The following WDR17 variants were observed in gnomAD, a reference collection of about 807,000 sequenced individuals.
WDR17 encodes the protein WD repeat domain 17.
Under a neutral mutation model 161.7 loss-of-function variants are expected in WDR17, and 143 were observed. The observed-to-expected ratio is 0.88, with a 90% CI of 0.77 to 1.02. The LOEUF is 1.02. WDR17 is among the 50% of genes least tolerant of loss of function. WDR17 has a pLI of 0.00. For synonymous variants in WDR17, 517 were observed against 515.6 expected, an observed-to-expected ratio of 1.00 and a Z score of -0.04; for missense variants, 1,469 against 1,520.9, an observed-to-expected ratio of 0.97 and a Z score of 0.57.
chr4:176,087,286 A>G (rs1486765315), intron 1 of WDR17, among the ~76,000 whole-genome samples: 1 of 152,026 alleles, frequency 6.6e-6, no homozygotes, highest in Non-Finnish European at 1.5e-5. Context: ...GAAAACGTTC[A>G]TATTCTTCCA....
intron 1 of WDR17, chr4:176,096,563 A>G (rs1736900570): frequency 6.2e-7 from 1 of 1,602,442 alleles, no homozygotes; most frequent in East Asian, 2.3e-5. Flanking sequence ...GAGCAAGATG[A>G]TTGGTATGAA....
chr4:176,173,499 T>A, intron 25 of WDR17, 130 bp downstream of exon 25: 1 of 564,200 alleles, frequency 1.8e-6, no homozygotes, highest in Non-Finnish European at 3.0e-6. Flanking sequence ...AGAAATATTA[T>A]ATTTTTGTTT....
chr4:176,089,476 G>A (rs2126622232), intron 1 of WDR17, among the ~76,000 whole-genome samples: 1 of 152,000 alleles, frequency 6.6e-6, no homozygotes, highest in African/African-American at 2.4e-5. Flanking sequence ...AAGATTTGTG[G>A]GTCTCTCCTA....
intron 26 of WDR17, among the ~76,000 whole-genome samples, chr4:176,175,631 C>A (rs1364449409): frequency 6.6e-6 from 1 of 152,136 alleles, no homozygotes; most frequent in East Asian, 1.9e-4. Context: ...AATCTCAGCC[C>A]ACTGCAACCT....
Position 176,138,044 on chromosome 4 carries a change from A to G in WDR17, c.1359+433A>G, listed in dbSNP as rs1744686884. On this transcript the variant is annotated intron_variant, in intron 9 of 28. Transcript: ENST00000508596. The stretch of plus-strand genomic sequence containing the variant: ...GATTTTCTTCCAGTTTTCAAATTCA[A>G]TTATTCCGTGCAGAGCCTTAGAACC... Among the ~76,000 whole-genome samples, 3 of 151,822 alleles carry G rather than the reference A, an allele frequency of 2.0e-5. No individual in the cohort carries two copies. In the Middle Eastern group the frequency reaches 0.01, roughly 516 times the overall value.
intron 1 of WDR17, among the ~76,000 whole-genome samples, chr4:176,068,712 G>A (rs531878628): frequency 6.6e-6 from 1 of 152,002 alleles, no homozygotes; most frequent in African/African-American, 2.4e-5. Flanking sequence ...AGATTTGGTT[G>A]GTACTTTTTG....
rs915675136 is a variant in WDR17 at position 176,116,958 on chromosome 4, G to A, written c.307+979G>A. On this transcript the variant is annotated intron_variant, in intron 3 of 28. Coordinates refer to ENST00000508596, the MANE Select transcript of WDR17 (RefSeq NM_181265.4). The stretch of plus-strand genomic sequence containing the variant: ...CAACTGTTAAAGATATTTGTCAAAT[G>A]AAGTTAATTTTCAACTAGAAGTATA... Among the ~76,000 whole-genome samples, 2 of 151,842 alleles carry A rather than the reference G, an allele frequency of 1.3e-5. 1 individual carries two copies. Among genetic ancestry groups the A allele is most frequent in the South Asian group, 4.1e-4 (2 of 4,830 alleles).
intron 1 of WDR17, among the ~76,000 whole-genome samples, chr4:176,099,400 G>C (rs1737428517): frequency 6.6e-6 from 1 of 152,098 alleles, no homozygotes; most frequent in Non-Finnish European, 1.5e-5. Flanking sequence ...AGGTCTGAGG[G>C]TTAAAAACTT....
intron 1 of WDR17, among the ~76,000 whole-genome samples, chr4:176,078,587 A>G (rs1734349982): frequency 6.6e-6 from 1 of 152,114 alleles, no homozygotes; most frequent in Non-Finnish European, 1.5e-5. Flanking sequence ...GAACCTACAA[A>G]CAAAATAGAA....
At chr4:176,142,103 C>A (rs1745370860) in intron 11 of WDR17, 34 bp downstream of exon 11, 1 of 1,555,350 alleles carries the variant, frequency 6.4e-7, no homozygotes. Flanking sequence ...TAAATAATAA[C>A]TACATTTTGG....
In WDR17 at chr4:176,120,318, AT is replaced by A. The variant is rs1304545655; in HGVS notation, c.538+222del. On this transcript the variant is annotated intron_variant, in intron 4 of 28. Transcript: ENST00000508596. ...TATATATATATATATATATATATAT[AT>A]AATACATTCAACACAGCTGTGAATA... 1.9e-3 allele frequency among the ~76,000 whole-genome samples: 259 copies of A among 138,854 alleles called. 1 individual carries two copies. The highest frequency in any genetic ancestry group is 6.4e-3 in the African/African-American group (231 of 36,148). 91.1% of individuals were successfully genotyped at this position (138,854 alleles called of 152,430 possible). A position where few individuals can be genotyped will look rare whatever the true frequency, so the allele number is the denominator to read the frequency against.
At chr4:176,092,935 T>C (rs998364331) in intron 1 of WDR17, among the ~76,000 whole-genome samples, 2 of 151,868 alleles carry the variant, frequency 1.3e-5, no homozygotes, top group African/African-American at 4.8e-5. Flanking sequence ...CCAGCTACTT[T>C]GGTGGTTGAG....
At chr4:176,178,689 C>G (rs1005527875) in intron 28 of WDR17, among the ~76,000 whole-genome samples, 1 of 152,180 alleles carries the variant, frequency 6.6e-6, no homozygotes, top group Non-Finnish European at 1.5e-5. Context: ...TAGGAGCTGT[C>G]TACTTTACAT....
intron 7 of WDR17, 137 bp from the exon 8 acceptor site, chr4:176,134,970 GT>G: frequency 1.3e-6 from 1 of 790,680 alleles, no homozygotes; most frequent in Non-Finnish European, 2.0e-6. Context: ...CCAGTTTTCT[GT>G]TTTTCTTGCC....
At chr4:176,085,969 A>G (rs139959484) in intron 1 of WDR17, among the ~76,000 whole-genome samples, 204 of 152,124 alleles carry the variant, frequency 1.3e-3, no homozygotes, top group Middle Eastern at 6.8e-3. Flanking sequence ...GCATTAATCT[A>G]GCTGCAACCC....
intron 22 of WDR17, among the ~76,000 whole-genome samples, chr4:176,165,543 A>G (rs1361858424): frequency 6.6e-6 from 1 of 152,222 alleles, no homozygotes; most frequent in Non-Finnish European, 1.5e-5. Context: ...CTTACTGATA[A>G]CATTAACAGT....
rs1302008397 is a variant in WDR17 at position 176,076,254 on chromosome 4, T to TAC, written c.-7+10189_-7+10190dup. Among the ~76,000 whole-genome samples, 192 of 59,464 alleles carry TAC rather than the reference T, an allele frequency of 3.2e-3. 1 individual carries two copies. Among genetic ancestry groups the TAC allele is most frequent in the East Asian group, 6.1e-3 (10 of 1,646 alleles). The allele number at this position is 59,464 out of a possible 152,430, so 39.0% of individuals were successfully genotyped here. ...ATATATATATATATATATATATATA[T>TAC]ACACACACACACACATATATATACA... is the stretch of plus-strand genomic sequence containing the variant. On this transcript the variant is annotated intron_variant, in intron 1 of 28. Coordinates refer to ENST00000508596, the MANE Select transcript of WDR17 (RefSeq NM_181265.4).
intron 1 of WDR17, among the ~76,000 whole-genome samples, chr4:176,067,878 G>A (rs1732723389): frequency 6.6e-6 from 1 of 152,170 alleles, no homozygotes; most frequent in Admixed American, 6.5e-5. Context: ...TACCCTGATG[G>A]ATACTAGAAG....
At position 176,139,965 on chromosome 4, in the gene WDR17, A is replaced by G. The variant is rs1744994536; in HGVS notation, c.1433A>G (p.Asp478Gly). The G allele has an allele frequency of 1.2e-6, 2 of 1,610,594 alleles. No homozygotes were observed. Among genetic ancestry groups the G allele is most frequent in the African/African-American group, 1.3e-5 (1 of 74,784 alleles). ...DSKRIATCSS[D>G]GFCIIRTIDG... is the part of the protein sequence containing the mutation. ...AAAAGAATAGCAACCTGCAGCAGTGATGGTTTCTGGTAAGTACTATGTATG... is the reference window on the plus strand; with the variant it reads ...AAAAGAATAGCAACCTGCAGCAGTGGTGGTTTCTGGTAAGTACTATGTATG... The change falls in exon 10 of 29, where the codon GAT becomes GGT. Residue 478 changes from aspartate to glycine, a missense_variant. By Grantham distance (94) the Asp-to-Gly change is moderately conservative (BLOSUM62 -1). Coordinates refer to ENST00000508596, the MANE Select transcript of WDR17 (RefSeq NM_181265.4).
Sources: gnomAD v4.1 joint callset for allele counts (sites outside exome capture counted in the v4.1 genomes callset) on GRCh38, gnomAD v4.1.1 for gene constraint, MANE v1.5 for transcripts, NCBI Gene and HGNC (gene_info 2026-07-23, HGNC 2026-07-21) for gene names.